The following OR2L13 variants were observed in gnomAD, a reference collection of about 807,000 sequenced individuals.
OR2L13 encodes olfactory receptor family 2 subfamily L member 13, also known as olfactory receptor 2L13.
Under a neutral mutation model 15.3 loss-of-function variants are expected in OR2L13, and 14 were observed. The ratio of observed to expected loss-of-function variants is 0.91; its 90% CI spans 0.60 to 1.43. The LOEUF is 1.43. Among genes scored for constraint, OR2L13 ranks in the 40% most tolerant of loss-of-function variants. The probability of loss-of-function intolerance (pLI) is 0.00; values close to 1 mark genes in which losing one functional copy is unlikely to be tolerated. For missense variants in OR2L13, 367 were observed against 387.9 expected, an observed-to-expected ratio of 0.95 and a Z score of 0.45; for synonymous variants, 152 against 142.9, an observed-to-expected ratio of 1.06 and a Z score of -0.45.
the OR2L13 span, among the ~76,000 whole-genome samples, chr1:248,072,339 C>G: frequency 6.6e-6 from 1 of 152,192 alleles, no homozygotes; most frequent in Non-Finnish European, 1.5e-5. Flanking sequence ...CTATGGCTAT[C>G]TGATCTTTGA....
chr1:247,977,576 C>T, the OR2L13 span, among the ~76,000 whole-genome samples: 1 of 152,040 alleles, frequency 6.6e-6, no homozygotes, highest in Non-Finnish European at 1.5e-5. Context: ...AACTAAATTG[C>T]TGGGTTTTTA....
the OR2L13 span, among the ~76,000 whole-genome samples, chr1:248,073,186 T>C: frequency 6.6e-6 from 1 of 152,196 alleles, no homozygotes; most frequent in Admixed American, 6.5e-5. Flanking sequence ...CGTATGTTTA[T>C]TGTGTCACTA....
the OR2L13 span, among the ~76,000 whole-genome samples, chr1:247,950,986 G>A: frequency 4.7e-4 from 72 of 152,132 alleles, 2 homozygotes; most frequent in Non-Finnish European, 8.1e-4. Flanking sequence ...ACCCTGATTT[G>A]ATCATTACAC....
chr1:248,011,419 T>G, the OR2L13 span, among the ~76,000 whole-genome samples: 1 of 152,094 alleles, frequency 6.6e-6, no homozygotes, highest in African/African-American at 2.4e-5. Flanking sequence ...ATCTGACAAT[T>G]ATGTGTTGTA....
chr1:248,080,917 T>G, the OR2L13 span, among the ~76,000 whole-genome samples: 113 of 152,298 alleles, frequency 7.4e-4, no homozygotes, highest in Middle Eastern at 0.01. Context: ...GTGCTAGAAC[T>G]TCGTATATTC....
chr1:248,050,584 T>C, the OR2L13 span, among the ~76,000 whole-genome samples: 2 of 152,166 alleles, frequency 1.3e-5, no homozygotes, highest in African/African-American at 2.4e-5. Flanking sequence ...TCAGATGTGA[T>C]GTGCCATTTA....
the OR2L13 span, chr1:248,084,168 G>A: frequency 6.2e-7 from 1 of 1,611,680 alleles, no homozygotes; most frequent in Admixed American, 1.7e-5. Flanking sequence ...GGACGACATG[G>A]TCATCCTCAG....
At chr1:248,075,951 A>G in the OR2L13 span, among the ~76,000 whole-genome samples, 1 of 152,072 alleles carries the variant, frequency 6.6e-6, no homozygotes, top group Non-Finnish European at 1.5e-5. Context: ...GGTATTGCCT[A>G]GGTTTTCTTC....
At chr1:248,022,629 C>A in the OR2L13 span, 7 of 1,614,112 alleles carry the variant, frequency 4.3e-6, no homozygotes, top group Non-Finnish European at 5.9e-6. Flanking sequence ...CTACCGCATG[C>A]ACTCTGCAGA....
the OR2L13 span, among the ~76,000 whole-genome samples, chr1:248,001,123 G>GTA: frequency 6.6e-6 from 1 of 152,100 alleles, no homozygotes; most frequent in Non-Finnish European, 1.5e-5. Flanking sequence ...ATGCATATAT[G>GTA]TATGTGTGTT....
At chr1:248,032,824 T>C in the OR2L13 span, among the ~76,000 whole-genome samples, 1 of 152,226 alleles carries the variant, frequency 6.6e-6, no homozygotes, top group Non-Finnish European at 1.5e-5. Context: ...GGCATATAAG[T>C]ATGTTTTTGT....
At chr1:247,985,791 T>TA in the OR2L13 span, among the ~76,000 whole-genome samples, 1 of 151,950 alleles carries the variant, frequency 6.6e-6, no homozygotes, top group South Asian at 2.1e-4. Context: ...GACTTTTTAA[T>TA]GATCGCCATT....
the OR2L13 span, among the ~76,000 whole-genome samples, chr1:247,950,144 A>AT: frequency 3.8e-4 from 57 of 151,414 alleles, no homozygotes; most frequent in African/African-American, 9.4e-4. Flanking sequence ...CAGTAATTAA[A>AT]ATTTTTTTTT....
At chr1:248,057,790 T>C in the OR2L13 span, among the ~76,000 whole-genome samples, 6 of 152,182 alleles carry the variant, frequency 3.9e-5, no homozygotes, top group Non-Finnish European at 8.8e-5. Context: ...AGTTTTCAGA[T>C]TGTTCTTTGT....
chr1:248,021,426 G>C, the OR2L13 span, among the ~76,000 whole-genome samples: 2 of 152,132 alleles, frequency 1.3e-5, no homozygotes, highest in East Asian at 3.9e-4. Flanking sequence ...CCACTGTTTT[G>C]CTTTCCATAG....
At chr1:248,008,406 A>G in the OR2L13 span, among the ~76,000 whole-genome samples, 1 of 152,174 alleles carries the variant, frequency 6.6e-6, no homozygotes, top group Non-Finnish European at 1.5e-5. Flanking sequence ...ATGTACATGT[A>G]ATATTAATAC....
chr1:248,032,080 C>A, the OR2L13 span, among the ~76,000 whole-genome samples: 3 of 152,060 alleles, frequency 2.0e-5, no homozygotes, highest in Non-Finnish European at 4.4e-5. Flanking sequence ...TAAATTCAAA[C>A]TATTGCATCA....
chr1:248,083,429 T>C, the OR2L13 span: 5 of 538,902 alleles, frequency 9.3e-6, no homozygotes, highest in Admixed American at 3.3e-5. Flanking sequence ...CAAAGTAATA[T>C]ATAGATTTTA....
chr1:247,951,937 T>C, the OR2L13 span, among the ~76,000 whole-genome samples: 1 of 152,128 alleles, frequency 6.6e-6, no homozygotes, highest in African/African-American at 2.4e-5. Context: ...GCTTGGGTCC[T>C]GTGGTGCTGT....
Sources: gnomAD v4.1 joint callset for allele counts (sites outside exome capture counted in the v4.1 genomes callset) on GRCh38, gnomAD v4.1.1 for gene constraint, MANE v1.5 for transcripts, NCBI Gene and HGNC (gene_info 2026-07-23, HGNC 2026-07-21) for gene names.